Variants in MYO5C observed in about 807,000 individuals in gnomAD.
The protein encoded by MYO5C is myosin VC.
In MYO5C, 194 loss-of-function variants were observed where a neutral mutation model predicts 235.7. The ratio of observed to expected loss-of-function variants is 0.82; its 90% CI spans 0.73 to 0.93. The LOEUF (loss-of-function observed/expected upper bound fraction) is 0.93, where lower values mean the gene tolerates loss of function less well. Among genes scored for constraint, MYO5C ranks in the 40% least tolerant of loss-of-function variants. MYO5C has a pLI of 0.00. For missense variants in MYO5C, 2,038 were observed against 2,127.2 expected (o/e 0.96, Z 0.82); for synonymous variants, 707 against 754.8 (o/e 0.94, Z 1.04).
intron 2 of MYO5C, among the ~76,000 whole-genome samples, chr15:52,280,861 C>G (rs1372022065): frequency 6.6e-6 from 1 of 152,208 alleles, no homozygotes; most frequent in African/African-American, 2.4e-5. Flanking sequence ...AGCCTGTGCT[C>G]TCTCACTAGC....
chr15:52,240,547 AGAAAAAGAAG>A (rs1172189735), intron 20 of MYO5C, among the ~76,000 whole-genome samples: 5 of 142,990 alleles, frequency 3.5e-5, no homozygotes, highest in African/African-American at 7.5e-5. Flanking sequence ...CTACAAAAAA[AGAAAAAGAAG>A]AAAAAAGAAA....
chr15:52,219,460 G>T (rs117016539), intron 31 of MYO5C, among the ~76,000 whole-genome samples: 1 of 152,260 alleles, frequency 6.6e-6, no homozygotes, highest in Non-Finnish European at 1.5e-5. Flanking sequence ...AAAAGTGTAC[G>T]CATACAGTGA....
rs185306987 is a variant in MYO5C at position 52,217,743 on chromosome 15, G to C, written c.3954+776C>G. Among the ~76,000 whole-genome samples, 97 of 152,274 alleles carry C rather than the reference G, an allele frequency of 6.4e-4. 1 individual carries two copies. The highest frequency in any genetic ancestry group is 1.2e-4 in the Non-Finnish European group (8 of 68,024). On this transcript the variant is annotated intron_variant, in intron 32 of 40. Transcript: ENST00000261839. Reference sequence around the variant, plus strand: ...TCAAAATATGTTTTTCCTCTATCAAGGTTTTCCTGTGAGATTGGAAATGGG... The same window carrying C: ...TCAAAATATGTTTTTCCTCTATCAACGTTTTCCTGTGAGATTGGAAATGGG...
Position 52,223,710 on chromosome 15 carries a change from T to C in MYO5C, c.3461A>G (p.His1154Arg), listed in dbSNP as rs1031719952. The change falls in exon 29 of 41, where the codon CAT becomes CGT. Residue 1154 changes from histidine (H) to arginine (R), a missense_variant. Coordinates refer to ENST00000261839, the MANE Select transcript of MYO5C (RefSeq NM_018728.4). ...ATAGCAATCCTTCTGAGACTGGAAA[T>C]GGCTCTCCAAAACACTATTAAAGGA... Reference protein sequence around the residue: ...LKKATRVLESHFQSQKDCYEK... With the variant: ...LKKATRVLESRFQSQKDCYEK... The C allele has an allele frequency of 1.2e-6, 2 of 1,613,974 alleles. No homozygotes were observed. The highest frequency in any genetic ancestry group is 2.2e-5 in the East Asian group (1 of 44,878).
At position 52,218,606 on chromosome 15, in the gene MYO5C, A is replaced by C. The variant is rs201965829; in HGVS notation, c.3867T>G (p.Ser1289Arg). 1.9e-6 allele frequency: 3 copies of C among 1,614,192 alleles called. No homozygotes were observed. Among genetic ancestry groups the C allele is most frequent in the Non-Finnish European group, 2.5e-6 (3 of 1,180,014 alleles). Residue 1289 changes from serine (S) to arginine (R), a missense_variant, in exon 32 of 41, where the codon AGT (serine) becomes AGG (arginine). Ser to Arg is a moderately radical substitution (Grantham distance 110, BLOSUM62 -1). Coordinates refer to ENST00000261839, the MANE Select transcript of MYO5C (RefSeq NM_018728.4). ...IDKIQEMQEA[S>R]DHLKKQFETE... ...TTTCAAATTGTTTCTTCAAGTGGTC[A>C]CTGGCCTCCTGCATTTCTTGAATCT... is the stretch of plus-strand genomic sequence containing the variant.
At position 52,261,168 on chromosome 15, in the gene MYO5C, T is replaced by C. The variant is rs547076196; in HGVS notation, c.1048-41A>G. ...CAAGCCCCGTCAGGTGGCCCAGCCA[T>C]CCAAAGACACACAATCCCACCCGGC... On this transcript the variant is annotated intron_variant, in intron 9 of 40. Transcript: ENST00000261839. The C allele has an allele frequency of 3.9e-5, 63 of 1,603,872 alleles. No individual in the cohort carries two copies. The African/African-American group carries it at 6.0e-4, about 15-fold the overall frequency.
chr15:52,272,538 A>C (rs748200229), intron 6 of MYO5C, 42 bp downstream of exon 6: 1 of 1,601,132 alleles, frequency 6.2e-7, no homozygotes, highest in Non-Finnish European at 8.5e-7. Flanking sequence ...GTAAATGTAA[A>C]TAATGCTCAA....
In MYO5C at chr15:52,258,906, G is replaced by A. The variant is rs74884218; in HGVS notation, c.1313+1956C>T. On this transcript the variant is annotated intron_variant, in intron 10 of 40. Transcript: ENST00000261839. Reference sequence around the variant, plus strand: ...TTCTGGATCCTGCCTGGGGGCCACCGTCCAGCTCACTACTCCTTGCACATG... The same window carrying A: ...TTCTGGATCCTGCCTGGGGGCCACCATCCAGCTCACTACTCCTTGCACATG... Among the ~76,000 whole-genome samples the A allele has an allele frequency of 0.015, 2,236 of 152,220 alleles. 94 individuals are homozygous for A. The South Asian group carries it at 0.15, about 10-fold the overall frequency.
intron 22 of MYO5C, among the ~76,000 whole-genome samples, 189 bp from the exon 23 acceptor site, chr15:52,235,952 G>A (rs960658213): frequency 5.9e-5 from 9 of 152,180 alleles, no homozygotes; most frequent in Admixed American, 4.6e-4. Flanking sequence ...AGAGCTCAAC[G>A]TGACTTCAAA....
Position 52,251,370 on chromosome 15 carries a change from G to A in MYO5C, c.1662+20C>T. On this transcript the variant is annotated intron_variant, in intron 13 of 40. Coordinates refer to ENST00000261839, the MANE Select transcript of MYO5C (RefSeq NM_018728.4). ...TACAGGTTCCGGGGTTGACAGCATT[G>A]ATGGAGACCTTCACGGTACCTTATC... The A allele has an allele frequency of 6.3e-7, 1 of 1,586,240 alleles. No individual in the cohort carries two copies. The highest frequency in any genetic ancestry group is 1.2e-5 in the South Asian group (1 of 86,876).
At position 52,227,206 on chromosome 15, in the gene MYO5C, TTTTG is replaced by T. The variant is rs1478295530; in HGVS notation, c.3208-1678_3208-1675del. ...CCCAGAGTAATTTTTTTTTTTTTTT[TTTTG>T]TTGAGACGGAGTCTCACTCTGTCAC... On this transcript the variant is annotated intron_variant, in intron 25 of 40. Coordinates refer to ENST00000261839, the MANE Select transcript of MYO5C (RefSeq NM_018728.4). Among the ~76,000 whole-genome samples the T allele has an allele frequency of 3.8e-4, 43 of 114,266 alleles. No individual in the cohort carries two copies. The East Asian group carries it at 4.4e-3, about 12-fold the overall frequency. 75.0% of individuals were successfully genotyped at this position (114,266 alleles called of 152,430 possible).
intron 26 of MYO5C, 139 bp downstream of exon 26, chr15:52,225,300 T>C (rs190590739): frequency 9.6e-7 from 1 of 1,044,300 alleles, no homozygotes; most frequent in East Asian, 2.4e-5. Flanking sequence ...TTCAACCAAC[T>C]AGCTATTCAA....
intron 30 of MYO5C, among the ~76,000 whole-genome samples, chr15:52,220,456 A>T (rs2035650942): frequency 6.6e-6 from 1 of 152,084 alleles, no homozygotes; most frequent in Non-Finnish European, 1.5e-5. Flanking sequence ...GGGCTCAAGT[A>T]ATCCTTCCAC....
At position 52,260,859 on chromosome 15, in the gene MYO5C, T is replaced by C. The variant is rs746395936; in HGVS notation, c.1313+3A>G. 6.2e-7 allele frequency: 1 copy of C among 1,613,788 alleles called. No individual in the cohort carries two copies. The highest frequency in any genetic ancestry group is 1.3e-5 in the African/African-American group (1 of 74,916). On this transcript the variant is annotated splice_donor_region_variant and intron_variant, in intron 10 of 40. Coordinates refer to ENST00000261839, the MANE Select transcript of MYO5C (RefSeq NM_018728.4). ...AAGACAGGCTCACTGAAGAGAATCT[T>C]ACCCATAAATGTCCAAAACACCAAT... is the stretch of plus-strand genomic sequence containing the variant.
At chr15:52,269,694 A>ATTT in intron 8 of MYO5C, 59 bp downstream of exon 8, 44 of 1,015,308 alleles carry the variant, frequency 4.3e-5, no homozygotes, top group African/African-American at 8.6e-5. Context: ...CCTGGCCTTA[A>ATTT]TTTTTTTTTT....
rs554329991 is a variant in MYO5C, at chr15:52,261,983, C to T, written c.1048-856G>A. On this transcript the variant is annotated intron_variant, in intron 9 of 40. Transcript: ENST00000261839. ...GTCCTGCCCCTCCCTGCGCTCTACC[C>T]ACACCCCCTGCTGACCAATATCACA... Among the ~76,000 whole-genome samples the T allele has an allele frequency of 3.9e-5, 6 of 152,322 alleles. No individual in the cohort carries two copies. In the East Asian group the frequency reaches 1.2e-3, roughly 29 times the overall value.
intron 36 of MYO5C, among the ~76,000 whole-genome samples, chr15:52,207,612 T>C (rs2035349579): frequency 6.6e-6 from 1 of 152,186 alleles, no homozygotes; most frequent in Non-Finnish European, 1.5e-5. Flanking sequence ...GAAGAGGATC[T>C]TCATGATCTC....
chr15:52,209,505 A>AGAG (rs2035395513), intron 35 of MYO5C, among the ~76,000 whole-genome samples: 1 of 152,160 alleles, frequency 6.6e-6, no homozygotes, highest in South Asian at 2.1e-4. Context: ...GGAGGTGGGG[A>AGAG]GAGGCAGGTC....
At chr15:52,295,192 C>CT (rs1017348315) in intron 1 of MYO5C, among the ~76,000 whole-genome samples, 7 of 152,202 alleles carry the variant, frequency 4.6e-5, no homozygotes, top group African/African-American at 1.7e-4. Context: ...ATGGGCAACT[C>CT]TGATTCCACC....
Sources: gnomAD v4.1 joint callset for allele counts (sites outside exome capture counted in the v4.1 genomes callset) on GRCh38, gnomAD v4.1.1 for gene constraint, MANE v1.5 for transcripts, NCBI Gene and HGNC (gene_info 2026-07-23, HGNC 2026-07-21) for gene names.